Variants in SPOCK1 observed in about 807,000 individuals in gnomAD.
The protein encoded by SPOCK1 is SPARC (osteonectin), cwcv and kazal like domains proteoglycan 1, also known as testican-1.
Under a neutral mutation model 55.3 loss-of-function variants are expected in SPOCK1, and 23 were observed. The observed-to-expected ratio is 0.42, with a 90% CI of 0.30 to 0.59. The LOEUF (loss-of-function observed/expected upper bound fraction) is 0.59, where lower values mean the gene tolerates loss of function less well. SPOCK1 is among the 20% of genes least tolerant of loss of function. The pLI, the probability that SPOCK1 is intolerant of heterozygous loss-of-function variation, is 0.22. For missense variants in SPOCK1, 499 were observed against 552.5 expected, an observed-to-expected ratio of 0.90 and a Z score of 0.97; for synonymous variants, 226 against 221.0, an observed-to-expected ratio of 1.02 and a Z score of -0.20.
At chr5:137,360,329 C>T (rs571191781) in intron 2 of SPOCK1, among the ~76,000 whole-genome samples, 16 of 152,274 alleles carry the variant, frequency 1.1e-4, no homozygotes, top group African/African-American at 3.1e-4. Context: ...TACAAAGGCA[C>T]ACAGTCTTGT....
At chr5:136,986,372 C>T (rs1750841503) in intron 8 of SPOCK1, among the ~76,000 whole-genome samples, 1 of 152,096 alleles carries the variant, frequency 6.6e-6, no homozygotes, top group South Asian at 2.1e-4. Flanking sequence ...TGCTAAAAAT[C>T]ACATGTTACA....
intron 2 of SPOCK1, among the ~76,000 whole-genome samples, chr5:137,360,983 C>T (rs1046723989): frequency 6.6e-6 from 1 of 152,118 alleles, no homozygotes; most frequent in East Asian, 1.9e-4. Flanking sequence ...GAACCCTAGC[C>T]CCCAGTGTGA....
chr5:137,174,423 C>T (rs1580790476), intron 3 of SPOCK1, among the ~76,000 whole-genome samples: 2 of 152,202 alleles, frequency 1.3e-5, no homozygotes, highest in South Asian at 2.1e-4. Context: ...GGCTTCTTTC[C>T]CTGAGGCTAC....
intron 8 of SPOCK1, among the ~76,000 whole-genome samples, chr5:136,987,700 G>A (rs112346184): frequency 1.5e-3 from 235 of 151,830 alleles, no homozygotes; most frequent in African/African-American, 4.9e-3. Context: ...CTTTCCTGGC[G>A]GTGGGATATA....
intron 2 of SPOCK1, among the ~76,000 whole-genome samples, chr5:137,274,960 A>C (rs1381222657): frequency 6.6e-6 from 1 of 152,238 alleles, no homozygotes; most frequent in African/African-American, 2.4e-5. Flanking sequence ...AAACCACTGA[A>C]AGGTATTACC....
intron 2 of SPOCK1, among the ~76,000 whole-genome samples, chr5:137,298,635 T>C (rs1357246188): frequency 6.6e-6 from 1 of 152,218 alleles, no homozygotes; most frequent in Non-Finnish European, 1.5e-5. Flanking sequence ...TTTCTTCCTA[T>C]ACTTGTCTGG....
intron 6 of SPOCK1, among the ~76,000 whole-genome samples, chr5:137,044,517 AT>A (rs747206870): frequency 3.3e-5 from 5 of 152,074 alleles, no homozygotes; most frequent in African/African-American, 1.2e-4. Flanking sequence ...TAAAAGGCGT[AT>A]TTTTTTGTAT....
At chr5:137,095,812 C>A (rs922227934) in intron 5 of SPOCK1, among the ~76,000 whole-genome samples, 1 of 152,328 alleles carries the variant, frequency 6.6e-6, no homozygotes, top group East Asian at 1.9e-4. Context: ...TTCTGAGTGA[C>A]TGAAATAGCA....
At chr5:137,198,654 G>A (rs980791771) in intron 3 of SPOCK1, among the ~76,000 whole-genome samples, 12 of 152,076 alleles carry the variant, frequency 7.9e-5, no homozygotes, top group African/African-American at 2.9e-4. Flanking sequence ...TTATTAATTT[G>A]TAAATGCTTT....
chr5:137,234,905 A>G (rs1349771894), intron 3 of SPOCK1, among the ~76,000 whole-genome samples: 1 of 152,248 alleles, frequency 6.6e-6, no homozygotes, highest in Admixed American at 6.5e-5. Flanking sequence ...ATTGCTCATC[A>G]GAGAGATGAA....
intron 3 of SPOCK1, among the ~76,000 whole-genome samples, chr5:137,227,543 G>A (rs1209246115): frequency 6.6e-5 from 10 of 152,164 alleles, no homozygotes; most frequent in African/African-American, 2.4e-4. Flanking sequence ...GGCATCTCTT[G>A]CCCAACTCAC....
At chr5:137,034,999 G>T (rs1028805380) in intron 6 of SPOCK1, among the ~76,000 whole-genome samples, 1 of 152,178 alleles carries the variant, frequency 6.6e-6, no homozygotes, top group Non-Finnish European at 1.5e-5. Flanking sequence ...TCCAGAGTGG[G>T]TTCTACTGCT....
chr5:137,003,086 A>C (rs1439587936), intron 6 of SPOCK1, among the ~76,000 whole-genome samples: 1 of 152,162 alleles, frequency 6.6e-6, no homozygotes, highest in Non-Finnish European at 1.5e-5. Context: ...TATATATACC[A>C]TTTCTAAATC....
At chr5:137,416,162 A>T (rs924622779) in intron 2 of SPOCK1, among the ~76,000 whole-genome samples, 1 of 148,874 alleles carries the variant, frequency 6.7e-6, no homozygotes, top group Non-Finnish European at 1.5e-5. Context: ...CAACATCTTT[A>T]AAGTACTGGA....
intron 9 of SPOCK1, 44 bp from the exon 10 acceptor site, chr5:136,979,513 G>A (rs757635341): frequency 2.9e-6 from 4 of 1,366,408 alleles, no homozygotes; most frequent in Non-Finnish European, 3.9e-6. Context: ...ACATGCAGAT[G>A]ATACTCGGGG....
chr5:137,409,928 C>G (rs1752175495), intron 2 of SPOCK1, among the ~76,000 whole-genome samples: 1 of 152,162 alleles, frequency 6.6e-6, no homozygotes, highest in Admixed American at 6.5e-5. Flanking sequence ...TACCAGCTAC[C>G]TCCTATGCTT....
intron 2 of SPOCK1, among the ~76,000 whole-genome samples, chr5:137,302,413 C>CAA (rs11381943): frequency 0.34 from 46,636 of 136,748 alleles, 8,754 homozygotes; most frequent in Middle Eastern, 0.38. Context: ...ACTAAAAATA[C>CAA]AAAAAAAAAA....
intron 2 of SPOCK1, among the ~76,000 whole-genome samples, chr5:137,290,646 A>G (rs1223744059): frequency 6.6e-6 from 1 of 152,252 alleles, no homozygotes; most frequent in African/African-American, 2.4e-5. Flanking sequence ...AAACAGAAAC[A>G]GGCTATTCTG....
intron 2 of SPOCK1, among the ~76,000 whole-genome samples, chr5:137,319,951 C>CAAAAAAAAAA (rs55836854): frequency 1.2e-5 from 1 of 85,584 alleles, no homozygotes; most frequent in Non-Finnish European, 2.3e-5. Flanking sequence ...GACTCCGTCT[C>CAAAAAAAAAA]AAAAAAAAAA....
Sources: gnomAD v4.1 joint callset for allele counts (sites outside exome capture counted in the v4.1 genomes callset) on GRCh38, gnomAD v4.1.1 for gene constraint, MANE v1.5 for transcripts, NCBI Gene and HGNC (gene_info 2026-07-23, HGNC 2026-07-21) for gene names.